Variants in N4BP2L2 observed in about 807,000 individuals in gnomAD.
The protein encoded by N4BP2L2 is NEDD4 binding protein 2 like 2.
In N4BP2L2, 50 loss-of-function variants were observed where a neutral mutation model predicts 56.2. That is an observed-to-expected ratio of 0.89 (90% CI 0.71 to 1.13). N4BP2L2 has a LOEUF of 1.13. Among genes scored for constraint, N4BP2L2 ranks in the 50% most tolerant of loss-of-function variants. The pLI is 0.00. For synonymous variants in N4BP2L2, 203 were observed against 223.6 expected, an observed-to-expected ratio of 0.91 and a Z score of 0.82; for missense variants, 689 against 693.8, an observed-to-expected ratio of 0.99 and a Z score of 0.08.
At chr13:32,485,052 A>G (rs1024538800) in intron 6 of N4BP2L2, among the ~76,000 whole-genome samples, 2 of 152,218 alleles carry the variant, frequency 1.3e-5, no homozygotes, top group African/African-American at 2.4e-5. Context: ...GCTACAAAAT[A>G]ATTTTATTAT....
intron 8 of N4BP2L2, among the ~76,000 whole-genome samples, chr13:32,437,018 T>A (rs1424853077): frequency 6.6e-6 from 1 of 151,994 alleles, no homozygotes; most frequent in African/African-American, 2.4e-5. Context: ...GTAGCTGTGA[T>A]TACAGGCAAG....
chr13:32,512,882 A>G (rs1367894332), exon 6 of N4BP2L2: 1 of 152,250 alleles, frequency 6.6e-6, no homozygotes, highest in Non-Finnish European at 1.5e-5. Context: ...ACACAAAAAA[A>G]TTACCCGGGC....
At chr13:32,528,177 T>G (rs1298288251) in intron 2 of N4BP2L2, among the ~76,000 whole-genome samples, 1 of 152,232 alleles carries the variant, frequency 6.6e-6, no homozygotes, top group Non-Finnish European at 1.5e-5. Context: ...TTTAGTATAT[T>G]TTTATTTGCC....
At chr13:32,538,011 G>A (rs1036287687) in intron 1 of N4BP2L2, among the ~76,000 whole-genome samples, 1 of 147,470 alleles carries the variant, frequency 6.8e-6, no homozygotes, top group African/African-American at 2.5e-5. Flanking sequence ...GGCGGAGGTT[G>A]TGGTGAGCCG....
intron 2 of N4BP2L2, among the ~76,000 whole-genome samples, chr13:32,529,426 T>C (rs1566183556): frequency 2.6e-5 from 4 of 152,218 alleles, no homozygotes; most frequent in Admixed American, 6.5e-5. Flanking sequence ...TGGATTTCTT[T>C]TTCAAGCAGC....
intron 6 of N4BP2L2, among the ~76,000 whole-genome samples, chr13:32,468,666 G>A (rs777327398): frequency 7.9e-5 from 12 of 152,212 alleles, no homozygotes; most frequent in South Asian, 4.1e-4. Context: ...GTGACTCGGT[G>A]AGTTTAGGGT....
exon 1 of N4BP2L2, chr13:32,538,642 C>G: frequency 1.0e-6 from 1 of 985,532 alleles, no homozygotes. Flanking sequence ...ACGCATTGAC[C>G]TTTACCTCCC....
intron 7 of N4BP2L2, among the ~76,000 whole-genome samples, chr13:32,441,732 TAA>T (rs1455876192): frequency 5.9e-4 from 76 of 129,446 alleles, no homozygotes; most frequent in African/African-American, 2.2e-3. Context: ...AATAAATAAA[TAA>T]ATATAAAAAA....
At chr13:32,485,741 T>C (rs1426949355) in intron 6 of N4BP2L2, among the ~76,000 whole-genome samples, 1 of 152,142 alleles carries the variant, frequency 6.6e-6, no homozygotes, top group Non-Finnish European at 1.5e-5. Flanking sequence ...TAACATTCTG[T>C]CATGACAGAA....
intron 6 of N4BP2L2, among the ~76,000 whole-genome samples, chr13:32,463,298 G>A (rs1246987073): frequency 6.6e-6 from 1 of 152,088 alleles, no homozygotes; most frequent in Non-Finnish European, 1.5e-5. Context: ...GAAAAGTGGA[G>A]AAGAGCTGAA....
exon 10 of N4BP2L2, chr13:32,432,586 T>C (rs2074993481): frequency 6.6e-6 from 1 of 152,142 alleles, no homozygotes; most frequent in Non-Finnish European, 1.5e-5. Flanking sequence ...TTTGGAAAAA[T>C]AACTATTGAT....
chr13:32,438,777 A>G, intron 7 of N4BP2L2: 1 of 1,475,318 alleles, frequency 6.8e-7, no homozygotes, highest in Non-Finnish European at 9.4e-7. Context: ...CTCTAATGTC[A>G]CACAGATTTT....
chr13:32,476,085 C>T (rs1001834317), intron 6 of N4BP2L2, among the ~76,000 whole-genome samples: 1 of 152,140 alleles, frequency 6.6e-6, no homozygotes, highest in African/African-American at 2.4e-5. Flanking sequence ...CTGGATTAAG[C>T]ATTTTTTCAA....
chr13:32,477,384 T>C (rs1261498033), intron 6 of N4BP2L2: 1 of 181,498 alleles, frequency 5.5e-6, no homozygotes, highest in African/African-American at 2.4e-5. Flanking sequence ...CTGCCAATGC[T>C]TTCTTGTTCA....
exon 6 of N4BP2L2, chr13:32,517,207 T>C: frequency 1.0e-6 from 1 of 985,428 alleles, no homozygotes; most frequent in Non-Finnish European, 1.2e-6. Context: ...AATATGCATA[T>C]TATGAAGAAA....
chr13:32,521,279 C>T (rs1566168243), intron 5 of N4BP2L2, 94 bp downstream of exon 5: 3 of 1,005,316 alleles, frequency 3.0e-6, no homozygotes, highest in Non-Finnish European at 1.5e-6. Flanking sequence ...GTTTCCTGAA[C>T]CTACATTTGT....
intron 6 of N4BP2L2, among the ~76,000 whole-genome samples, chr13:32,491,926 G>A (rs2087202827): frequency 6.6e-6 from 1 of 151,686 alleles, no homozygotes; most frequent in Non-Finnish European, 1.5e-5. Context: ...CACCGCACCC[G>A]GCCGAAAAAA....
exon 6 of N4BP2L2, chr13:32,517,283 A>C (rs775420547): frequency 2.4e-5 from 24 of 986,650 alleles, no homozygotes; most frequent in Non-Finnish European, 2.8e-5. Flanking sequence ...GAACTAAGTG[A>C]TGTGCTGATT....
intron 6 of N4BP2L2, among the ~76,000 whole-genome samples, chr13:32,452,429 A>G (rs2078253520): frequency 6.6e-6 from 1 of 152,170 alleles, no homozygotes; most frequent in Non-Finnish European, 1.5e-5. Flanking sequence ...CAAAAATGAG[A>G]ACTTTCAGGC....
Sources: gnomAD v4.1 joint callset for allele counts (sites outside exome capture counted in the v4.1 genomes callset) on GRCh38, gnomAD v4.1.1 for gene constraint, MANE v1.5 for transcripts, NCBI Gene and HGNC (gene_info 2026-07-23, HGNC 2026-07-21) for gene names.